ARMC1: variants seen among roughly 807,000 people sequenced by gnomAD.
ARMC1 encodes armadillo repeat containing 1.
Under a neutral mutation model 31.4 loss-of-function variants are expected in ARMC1, and 16 were observed. The ratio of observed to expected loss-of-function variants is 0.51; its 90% CI spans 0.34 to 0.77. The LOEUF is 0.77. Ranked by LOEUF, ARMC1 falls within the 30% of genes least tolerant of loss-of-function variation. The pLI is 0.01. For synonymous variants in ARMC1, 114 were observed against 118.9 expected (o/e 0.96, Z 0.27); for missense variants, 259 against 347.5 (o/e 0.75, Z 2.02).
chr8:65,613,201 A>G (rs747432844), intron 4 of ARMC1, 43 bp downstream of exon 4: 8 of 1,454,006 alleles, frequency 5.5e-6, no homozygotes, highest in Non-Finnish European at 7.4e-6. Flanking sequence ...TGAAGAAACT[A>G]TTCAGTAAAC....
chr8:65,632,888 C>T (rs1440717271), intron 1 of ARMC1: 1 of 152,188 alleles, frequency 6.6e-6, no homozygotes, highest in Admixed American at 6.5e-5. Context: ...TGTGAAAAGA[C>T]TTTTTATACC....
intron 1 of ARMC1, among the ~76,000 whole-genome samples, chr8:65,633,514 A>G (rs561173309): frequency 1.3e-5 from 2 of 152,342 alleles, no homozygotes; most frequent in South Asian, 2.1e-4. Flanking sequence ...TACCTTCTGC[A>G]CTGCCCTGAC....
chr8:65,626,441 T>A (rs1352623908), intron 2 of ARMC1, among the ~76,000 whole-genome samples: 21 of 132,712 alleles, frequency 1.6e-4, no homozygotes, highest in Admixed American at 3.9e-4. Context: ...CTATCTCTAC[T>A]AAAAAAAAAA....
At chr8:65,626,111 A>G (rs1212535449) in intron 2 of ARMC1, among the ~76,000 whole-genome samples, 2 of 152,064 alleles carry the variant, frequency 1.3e-5, no homozygotes, top group African/African-American at 2.4e-5. Flanking sequence ...AGCTGGTGTC[A>G]AACTCCTGAC....
chr8:65,622,669 C>A (rs926181126), intron 2 of ARMC1, among the ~76,000 whole-genome samples: 9 of 151,554 alleles, frequency 5.9e-5, no homozygotes, highest in African/African-American at 2.4e-5. Flanking sequence ...GCTGTGATTG[C>A]GCCATTGCAC....
chr8:65,627,646 T>C (rs927240893), intron 1 of ARMC1, among the ~76,000 whole-genome samples: 2 of 152,228 alleles, frequency 1.3e-5, no homozygotes, highest in African/African-American at 4.8e-5. Flanking sequence ...AAAGAACATA[T>C]GTTGTCCTCA....
At chr8:65,612,352 A>G (rs1808159507) in intron 4 of ARMC1, among the ~76,000 whole-genome samples, 1 of 151,814 alleles carries the variant, frequency 6.6e-6, no homozygotes, top group Admixed American at 6.6e-5. Flanking sequence ...GCTACTCAGG[A>G]GGCTGAGGCA....
At chr8:65,630,587 T>C (rs1456641439) in intron 1 of ARMC1, among the ~76,000 whole-genome samples, 1 of 152,144 alleles carries the variant, frequency 6.6e-6, no homozygotes, top group Non-Finnish European at 1.5e-5. Flanking sequence ...GGGAGGCCAA[T>C]GCAGCCGGAT....
intron 3 of ARMC1, among the ~76,000 whole-genome samples, chr8:65,618,608 T>C (rs1463817224): frequency 6.6e-6 from 1 of 151,514 alleles, no homozygotes; most frequent in Non-Finnish European, 1.5e-5. Context: ...TTCAGTGGAA[T>C]TATGTCCCCA....
chr8:65,613,582 G>A (rs1808189341), intron 3 of ARMC1, 149 bp from the exon 4 acceptor site: 3 of 507,292 alleles, frequency 5.9e-6, no homozygotes, highest in African/African-American at 2.0e-5. Flanking sequence ...AATCAATAAT[G>A]TAGAAAAAGC....
intron 1 of ARMC1, among the ~76,000 whole-genome samples, chr8:65,627,663 C>T (rs937265515): frequency 2.0e-5 from 3 of 152,014 alleles, no homozygotes; most frequent in African/African-American, 7.2e-5. Context: ...CTCAATATTC[C>T]AATAAATTAT....
At chr8:65,612,456 T>A (rs1808162430) in intron 4 of ARMC1, among the ~76,000 whole-genome samples, 1 of 151,128 alleles carries the variant, frequency 6.6e-6, no homozygotes, top group African/African-American at 2.4e-5. Flanking sequence ...ACCCTGTCCC[T>A]GAAAAAAGAA....
intron 3 of ARMC1, among the ~76,000 whole-genome samples, chr8:65,621,745 G>A (rs986014205): frequency 4.6e-5 from 7 of 152,224 alleles, no homozygotes; most frequent in African/African-American, 1.7e-4. Flanking sequence ...CTGGCCACAA[G>A]TGATCCGTCT....
At chr8:65,606,607 C>T (rs933537339) in intron 4 of ARMC1, among the ~76,000 whole-genome samples, 2 of 152,080 alleles carry the variant, frequency 1.3e-5, no homozygotes, top group Non-Finnish European at 2.9e-5. Context: ...TCCTAATACT[C>T]TTCAAAACAC....
intron 3 of ARMC1, among the ~76,000 whole-genome samples, chr8:65,617,050 C>T (rs1478373284): frequency 8.0e-5 from 12 of 149,324 alleles, no homozygotes; most frequent in Admixed American, 4.6e-4. Flanking sequence ...AGGTGGGGGG[C>T]GCTTCTGCCC....
At chr8:65,621,685 T>C (rs1290676866) in intron 3 of ARMC1, among the ~76,000 whole-genome samples, 1 of 152,064 alleles carries the variant, frequency 6.6e-6, no homozygotes, top group Non-Finnish European at 1.5e-5. Flanking sequence ...ATTTTTGTAT[T>C]TTTACTAGAA....
intron 1 of ARMC1, among the ~76,000 whole-genome samples, chr8:65,631,254 G>T (rs796710377): frequency 1.3e-5 from 2 of 152,082 alleles, no homozygotes; most frequent in South Asian, 4.2e-4. Context: ...TTTTGGGGGG[G>T]AACAGGGTCT....
At chr8:65,632,094 A>G (rs1463261390) in intron 1 of ARMC1, among the ~76,000 whole-genome samples, 1 of 152,210 alleles carries the variant, frequency 6.6e-6, no homozygotes, top group Admixed American at 6.5e-5. Context: ...GTATAAATGC[A>G]TCTCTTTTAA....
chr8:65,632,032 C>T (rs975654614), intron 1 of ARMC1, among the ~76,000 whole-genome samples: 1 of 152,172 alleles, frequency 6.6e-6, no homozygotes, highest in African/African-American at 2.4e-5. Context: ...GGGTCTCGCT[C>T]TGTTGCCCAG....
Sources: allele counts gnomAD v4.1 joint callset (sites outside exome capture counted in the v4.1 genomes callset), GRCh38; gene constraint gnomAD v4.1.1; transcripts MANE v1.5; gene names NCBI Gene and HGNC (gene_info 2026-07-23, HGNC 2026-07-21).